KIF1C: variants seen among roughly 807,000 people sequenced by gnomAD.
KIF1C encodes the protein kinesin-like protein KIF1C.
A neutral mutation model predicts 126.5 loss-of-function variants in KIF1C; 61 were observed. The observed-to-expected ratio is 0.48, with a 90% CI of 0.39 to 0.60. KIF1C has a LOEUF of 0.60. Ranked by LOEUF, KIF1C falls within the 20% of genes least tolerant of loss-of-function variation. KIF1C has a pLI of 0.00. For synonymous variants in KIF1C, 640 were observed against 580.6 expected (o/e 1.10, Z -1.47); for missense variants, 1,315 against 1,489.2 (o/e 0.88, Z 1.93).
chr17:5,014,969 T>C lies in KIF1C; in HGVS notation c.1666+132T>C, dbSNP rs1191900056. 9.8e-6 allele frequency: 7 copies of C among 711,838 alleles called. No individual in the cohort carries two copies. In the Admixed American group the frequency reaches 1.5e-4, roughly 15 times the overall value. 44.1% of individuals were successfully genotyped at this position (711,838 alleles called of 1,614,324 possible). A position where few individuals can be genotyped will look rare whatever the true frequency, so the allele number is the denominator to read the frequency against. On this transcript the variant is annotated intron_variant, in intron 18 of 22. Coordinates refer to ENST00000320785, the MANE Select transcript of KIF1C (RefSeq NM_006612.6). Reference sequence around the variant, plus strand: ...ATAAAGAGGGGATGTGGCCTTGTCCTCAGAGGGGCTTGGGGCTCATGGGTA... The same window carrying C: ...ATAAAGAGGGGATGTGGCCTTGTCCCCAGAGGGGCTTGGGGCTCATGGGTA...
rs374009812 is a variant in KIF1C at position 5,018,318 on chromosome 17, T to A, written c.1667-1678T>A. Reference sequence around the variant, plus strand: ...GAGAGGACTTTAGATTATCTGCTTTTAAAAATATTAATAGAATTAAATGCC... The same window carrying A: ...GAGAGGACTTTAGATTATCTGCTTTAAAAAATATTAATAGAATTAAATGCC... On this transcript the variant is annotated intron_variant, in intron 18 of 22. Coordinates refer to ENST00000320785, the MANE Select transcript of KIF1C (RefSeq NM_006612.6). Among the ~76,000 whole-genome samples the A allele has an allele frequency of 4.6e-4, 69 of 151,504 alleles. 1 individual carries two copies. Among genetic ancestry groups the A allele is most frequent in the African/African-American group, 1.6e-3 (66 of 41,298 alleles).
At chr17:5,008,837 A>G (rs1038364184) in intron 16 of KIF1C, among the ~76,000 whole-genome samples, 1 of 152,152 alleles carries the variant, frequency 6.6e-6, no homozygotes, top group African/African-American at 2.4e-5. Flanking sequence ...TGCGCTCAGC[A>G]TGGCTTCCAG....
chr17:5,002,360 G>C (rs1974616675), intron 6 of KIF1C, 104 bp from the exon 7 acceptor site: 1 of 1,158,994 alleles, frequency 8.6e-7, no homozygotes, highest in African/African-American at 1.5e-5. Flanking sequence ...TTCGCACTGT[G>C]TATTAGCTGC....
At chr17:5,021,485 C>A (rs538357468) in intron 21 of KIF1C, among the ~76,000 whole-genome samples, 2 of 151,160 alleles carry the variant, frequency 1.3e-5, no homozygotes, top group African/African-American at 4.9e-5. Flanking sequence ...CATGGACTTT[C>A]TATTTTGTTT....
Position 5,004,643 on chromosome 17 carries a change from C to T in KIF1C, c.1017C>T (p.Leu339=). Residue 339 remains leucine, a splice_region_variant and synonymous_variant, in exon 12 of 23, where the codon CTC becomes CTT. Coordinates refer to ENST00000320785, the MANE Select transcript of KIF1C (RefSeq NM_006612.6). ...DINYEETLST[L]RYADRTKQIR... ...ATTACGAGGAGACTCTCAGCACCCT[C>T]AGGTGAGGCTTTTGGCTCTAGCAGG... 1 of 1,614,030 alleles carries T rather than the reference C, an allele frequency of 6.2e-7. No individual in the cohort carries two copies. Among genetic ancestry groups the T allele is most frequent in the East Asian group, 2.2e-5 (1 of 44,886 alleles).
chr17:5,004,507 C>A, intron 11 of KIF1C, 60 bp from the exon 12 acceptor site: 1 of 1,502,994 alleles, frequency 6.7e-7, no homozygotes, highest in Non-Finnish European at 9.3e-7. Flanking sequence ...CCCTGTGACC[C>A]GGTCTGACTT....
intron 21 of KIF1C, among the ~76,000 whole-genome samples, chr17:5,021,679 A>G (rs1358945353): frequency 6.6e-6 from 1 of 151,758 alleles, no homozygotes; most frequent in Non-Finnish European, 1.5e-5. Flanking sequence ...TGGGGGTCTC[A>G]CTACATTACC....
At chr17:5,010,334 GATTGTT>G (rs1412920760) in intron 16 of KIF1C, among the ~76,000 whole-genome samples, 1 of 152,142 alleles carries the variant, frequency 6.6e-6, no homozygotes, top group East Asian at 1.9e-4. Flanking sequence ...TGGACATTCA[GATTGTT>G]TCCCATTCCT....
At chr17:5,004,706 G>A in intron 12 of KIF1C, 61 bp downstream of exon 12, 1 of 1,592,812 alleles carries the variant, frequency 6.3e-7, no homozygotes, top group Non-Finnish European at 8.6e-7. Flanking sequence ...GAGTTCAGAG[G>A]CGAGTTGCTC....
rs761155953 is a variant in KIF1C at position 5,019,946 on chromosome 17, C to T, written c.1667-50C>T. 2.7e-6 allele frequency: 4 copies of T among 1,459,830 alleles called. No homozygotes were observed. In the South Asian group the frequency reaches 4.8e-5, roughly 18 times the overall value. The allele number at this position is 1,459,830 out of a possible 1,614,324, so 90.4% of individuals were successfully genotyped here. A position where few individuals can be genotyped will look rare whatever the true frequency, so the allele number is the denominator to read the frequency against. ...AAGGTGGGAATCTGTGACCATGACCCACCTTCCTCCAGGGTCTAATCTTTC... is the reference window on the plus strand; with the variant it reads ...AAGGTGGGAATCTGTGACCATGACCTACCTTCCTCCAGGGTCTAATCTTTC... On this transcript the variant is annotated intron_variant, in intron 18 of 22. Coordinates refer to ENST00000320785, the MANE Select transcript of KIF1C (RefSeq NM_006612.6).
intron 16 of KIF1C, among the ~76,000 whole-genome samples, chr17:5,009,614 C>T (rs1322643206): frequency 1.3e-5 from 2 of 151,444 alleles, no homozygotes; most frequent in African/African-American, 4.8e-5. Flanking sequence ...CAGTGAAACC[C>T]CGTCTCTACT....
intron 8 of KIF1C, among the ~76,000 whole-genome samples, 167 bp from the exon 9 acceptor site, chr17:5,003,445 C>T (rs1436709046): frequency 3.3e-5 from 5 of 152,248 alleles, no homozygotes; most frequent in South Asian, 2.1e-4. Flanking sequence ...GAGTAACCAC[C>T]GTCTCACTGT....
At chr17:5,011,444 T>G (rs901623024) in intron 16 of KIF1C, 8 of 152,292 alleles carry the variant, frequency 5.3e-5, no homozygotes, top group Non-Finnish European at 1.2e-4. Flanking sequence ...CCTGAGCAGC[T>G]TCTTGCTTAT....
intron 18 of KIF1C, among the ~76,000 whole-genome samples, chr17:5,017,740 A>C (rs1975005222): frequency 6.6e-6 from 1 of 151,672 alleles, no homozygotes; most frequent in Non-Finnish European, 1.5e-5. Context: ...TTTCTCACAC[A>C]GCTCACAGGT....
At chr17:5,003,494 T>G (rs560306786) in intron 8 of KIF1C, 118 bp from the exon 9 acceptor site, 50 of 661,746 alleles carry the variant, frequency 7.6e-5, no homozygotes, top group East Asian at 1.9e-4. Context: ...CTCCCTCGCC[T>G]CCTCCTGGCT....
At chr17:5,018,109 T>G (rs1304214434) in intron 18 of KIF1C, among the ~76,000 whole-genome samples, 1 of 151,970 alleles carries the variant, frequency 6.6e-6, no homozygotes, top group Non-Finnish European at 1.5e-5. Flanking sequence ...GCCTCCTGAG[T>G]AGCTGGGACT....
intron 13 of KIF1C, 57 bp from the exon 14 acceptor site, chr17:5,006,858 C>T: frequency 6.4e-7 from 1 of 1,567,480 alleles, no homozygotes; most frequent in Non-Finnish European, 8.7e-7. Context: ...TCCTGGATGT[C>T]TCTCATCAGC....
intron 13 of KIF1C, among the ~76,000 whole-genome samples, chr17:5,005,883 C>T (rs976427850): frequency 2.0e-5 from 3 of 151,734 alleles, no homozygotes; most frequent in Admixed American, 6.6e-5. Flanking sequence ...CCCACCACCA[C>T]ACCTGGCTAA....
chr17:5,002,014 GC>G (rs1465137650), intron 5 of KIF1C, 44 bp from the exon 6 acceptor site: 3 of 1,571,712 alleles, frequency 1.9e-6, no homozygotes, highest in Non-Finnish European at 2.6e-6. Flanking sequence ...CTTTAGGTGT[GC>G]CCTGAACAGG....
Sources: gnomAD v4.1 joint callset for allele counts (sites outside exome capture counted in the v4.1 genomes callset) on GRCh38, gnomAD v4.1.1 for gene constraint, MANE v1.5 for transcripts, NCBI Gene and HGNC (gene_info 2026-07-23, HGNC 2026-07-21) for gene names.